The following PRDM15 variants were observed in gnomAD, a reference collection of about 807,000 sequenced individuals.
PRDM15 encodes PR domain zinc finger protein 15.
PRDM15 carries 64 observed loss-of-function variants against 128.6 expected under a neutral mutation model. The observed-to-expected ratio is 0.50, with a 90% CI of 0.41 to 0.61. The LOEUF (loss-of-function observed/expected upper bound fraction) is 0.61. Among genes scored for constraint, PRDM15 ranks in the 20% least tolerant of loss-of-function variants. PRDM15 has a pLI of 0.00. For missense variants in PRDM15, 1,242 were observed against 1,569.1 expected (o/e 0.79, Z 3.52); for synonymous variants, 615 against 621.8 (o/e 0.99, Z 0.16).
intron 22 of PRDM15, among the ~76,000 whole-genome samples, chr21:41,803,809 T>C (rs2061483104): frequency 6.6e-6 from 1 of 152,166 alleles, no homozygotes; most frequent in South Asian, 2.1e-4. Flanking sequence ...CATGTGATCT[T>C]AGACCACTGA....
chr21:41,838,519 G>A (rs1467965809), intron 7 of PRDM15, among the ~76,000 whole-genome samples: 1 of 152,152 alleles, frequency 6.6e-6, no homozygotes, highest in Non-Finnish European at 1.5e-5. Flanking sequence ...GCCAATACTG[G>A]AGACCCTGGC....
chr21:41,842,245 T>C (rs1402095227), intron 6 of PRDM15, among the ~76,000 whole-genome samples: 1 of 152,228 alleles, frequency 6.6e-6, no homozygotes, highest in Non-Finnish European at 1.5e-5. Flanking sequence ...CAGCTCTCTG[T>C]AACCACTCGT....
intron 21 of PRDM15, among the ~76,000 whole-genome samples, chr21:41,806,036 CCACCACCAT>C (rs2061569166): frequency 1.3e-4 from 8 of 60,398 alleles, no homozygotes; most frequent in Admixed American, 1.5e-4. Context: ...ACCACCATCA[CCACCACCAT>C]CACCACCACC....
intron 1 of PRDM15, chr21:41,863,234 C>A (rs2063885936): frequency 6.6e-6 from 1 of 151,996 alleles, no homozygotes; most frequent in South Asian, 2.1e-4. Flanking sequence ...GGAAGACTTA[C>A]CTTACATTAG....
intron 18 of PRDM15, among the ~76,000 whole-genome samples, chr21:41,816,910 A>T (rs1487217348): frequency 7.0e-6 from 1 of 143,872 alleles, no homozygotes; most frequent in African/African-American, 2.6e-5. Context: ...AAAAAAAAAG[A>T]GTGCCGGTCA....
At chr21:41,837,631 T>A (rs2062938409) in intron 8 of PRDM15, among the ~76,000 whole-genome samples, 1 of 152,192 alleles carries the variant, frequency 6.6e-6, no homozygotes, top group Admixed American at 6.5e-5. Flanking sequence ...TGCCCAACAG[T>A]GTGAACATCC....
intron 11 of PRDM15, among the ~76,000 whole-genome samples, chr21:41,830,314 TACTC>T (rs1390885696): frequency 2.1e-5 from 3 of 140,748 alleles, no homozygotes; most frequent in African/African-American, 8.1e-5. Context: ...ACACAACACA[TACTC>T]AACACATACA....
chr21:41,861,700 A>G, intron 1 of PRDM15: 1 of 1,614,148 alleles, frequency 6.2e-7, no homozygotes, highest in Non-Finnish European at 8.5e-7. Context: ...AAGGGTGAAA[A>G]GCAGACCGTG....
Position 41,839,606 on chromosome 21 carries a change from C to CG in PRDM15, c.871+16dup. Reference sequence around the variant, plus strand: ...TGCGCCCCACGCAGGCACTCATCCCCGGGACCCGCTCATCACCTGTGGGTT... The same window carrying CG: ...TGCGCCCCACGCAGGCACTCATCCCCGGGGACCCGCTCATCACCTGTGGGTT... On this transcript the variant is annotated intron_variant, in intron 7 of 23. Coordinates refer to ENST00000398548, the MANE Select transcript of PRDM15 (RefSeq NM_001040424.3). 1 of 1,611,110 alleles carries CG rather than the reference C, an allele frequency of 6.2e-7. No individual in the cohort carries two copies. Among genetic ancestry groups the CG allele is most frequent in the Non-Finnish European group, 8.5e-7 (1 of 1,177,294 alleles).
Position 41,860,310 on chromosome 21 carries a change from G to A in PRDM15, c.37+17C>T. On this transcript the variant is annotated intron_variant, in intron 2 of 23. Transcript: ENST00000398548. Reference sequence around the variant, plus strand: ...AGGGCTGGTCTCGGACCTGGGACAGGTCCCTGGGTCACTTACAGATGAACA... The same window carrying A: ...AGGGCTGGTCTCGGACCTGGGACAGATCCCTGGGTCACTTACAGATGAACA... 6.2e-7 allele frequency: 1 copy of A among 1,611,472 alleles called. No individual in the cohort carries two copies.
chr21:41,841,290 G>A (rs2063066644), intron 6 of PRDM15, among the ~76,000 whole-genome samples: 1 of 152,216 alleles, frequency 6.6e-6, no homozygotes. Context: ...GATTACCTAT[G>A]AAGGAACAAC....
At position 41,859,272 on chromosome 21, in the gene PRDM15, T is replaced by C. The variant is rs747982922; in HGVS notation, c.131+320A>G. The C allele has an allele frequency of 5.0e-6, 8 of 1,586,016 alleles. No individual in the cohort carries two copies. The Admixed American group carries it at 1.0e-4, about 20-fold the overall frequency. The stretch of plus-strand genomic sequence containing the variant: ...CCAACGAGCAGACCTCCAGCTTGGC[T>C]GCTGGTGCTCAGCACGTCAACCACC... On this transcript the variant is annotated intron_variant, in intron 3 of 23. Transcript: ENST00000398548. The surrounding 1 kb of genome is among the most constrained non-coding windows in gnomAD (Gnocchi z 5.3).
At chr21:41,819,989 C>G in intron 17 of PRDM15, 106 bp downstream of exon 17, 3 of 954,774 alleles carry the variant, frequency 3.1e-6, no homozygotes, top group South Asian at 2.9e-5. Context: ...ATGGGGGAGG[C>G]AAGGTGCGAC....
At chr21:41,857,115 C>T (rs2063657801) in intron 4 of PRDM15, 61 bp downstream of exon 4, 1 of 1,516,196 alleles carries the variant, frequency 6.6e-7, no homozygotes, top group Middle Eastern at 1.8e-4. Context: ...CTCCCCATTC[C>T]CACATGGGAA....
At position 41,828,395 on chromosome 21, in the gene PRDM15, G is replaced by A. The variant is rs774098251; in HGVS notation, c.1367-62C>T. On this transcript the variant is annotated intron_variant, in intron 11 of 23. Transcript: ENST00000398548. The surrounding 1 kb of genome is among the most constrained non-coding windows in gnomAD (Gnocchi z 5.7). ...GGTAAATAACATCTCACGCAGGCAC[G>A]CACGTGTGGCCTGAACGTCAATAAA... 7.7e-5 allele frequency: 120 copies of A among 1,564,350 alleles called. No individual in the cohort carries two copies. The highest frequency in any genetic ancestry group is 9.8e-5 in the Non-Finnish European group (112 of 1,139,814).
intron 1 of PRDM15, chr21:41,870,642 G>C (rs1294005120): frequency 6.6e-6 from 1 of 152,210 alleles, no homozygotes; most frequent in Admixed American, 6.5e-5. Flanking sequence ...ACACACACAG[G>C]CACGGCAGAG....
intron 1 of PRDM15, among the ~76,000 whole-genome samples, chr21:41,878,100 G>T (rs1045313085): frequency 2.0e-5 from 3 of 152,390 alleles, no homozygotes; most frequent in South Asian, 2.1e-4. Flanking sequence ...TCTCCAAGGA[G>T]AACTGTCACT....
chr21:41,845,840 T>C (rs1448032994), intron 6 of PRDM15, among the ~76,000 whole-genome samples: 4 of 152,128 alleles, frequency 2.6e-5, no homozygotes, highest in African/African-American at 9.7e-5. Context: ...GCAACGTCTG[T>C]CTGGCTTTGT....
At chr21:41,871,937 G>A (rs1040778822) in intron 1 of PRDM15, 22 of 230,820 alleles carry the variant, frequency 9.5e-5, no homozygotes, top group Middle Eastern at 1.3e-3. Flanking sequence ...GCCCAGCCCC[G>A]CCCATCTGCA....
Sources: gnomAD v4.1 joint callset for allele counts (sites outside exome capture counted in the v4.1 genomes callset) on GRCh38, gnomAD v4.1.1 for gene constraint, Gnocchi (gnomAD v3.1) non-coding constraint, MANE v1.5 for transcripts, NCBI Gene and HGNC (gene_info 2026-07-23, HGNC 2026-07-21) for gene names.